The following TGFBRAP1 variants were observed in gnomAD, a reference collection of about 807,000 sequenced individuals.
TGFBRAP1 encodes the protein transforming growth factor beta receptor associated protein 1.
A neutral mutation model predicts 83.2 loss-of-function variants in TGFBRAP1; 20 were observed. That is an observed-to-expected ratio of 0.24 (90% confidence interval 0.17 to 0.35). TGFBRAP1 has a LOEUF of 0.35. TGFBRAP1 is among the 10% of genes least tolerant of loss of function. The probability of loss-of-function intolerance (pLI) is 1.00; values close to 1 mark genes in which losing one functional copy is unlikely to be tolerated. For synonymous variants in TGFBRAP1, 415 were observed against 459.8 expected (o/e 0.90, Z 1.25); for missense variants, 950 against 1,099.4 (o/e 0.86, Z 1.92).
chr2:105,267,803 C>G (rs1464217943), intron 11 of TGFBRAP1: 1 of 985,322 alleles, frequency 1.0e-6, no homozygotes, highest in Non-Finnish European at 1.2e-6. Context: ...TGTTGCTTGT[C>G]TGGCTGAGGC....
the TGFBRAP1 span, among the ~76,000 whole-genome samples, chr2:105,257,503 A>G: frequency 6.6e-6 from 1 of 152,170 alleles, no homozygotes; most frequent in Admixed American, 6.5e-5. Flanking sequence ...TAGAAGTGGA[A>G]TCACACAGTA....
chr2:105,276,491 G>A (rs904839842), intron 7 of TGFBRAP1, among the ~76,000 whole-genome samples: 3 of 152,156 alleles, frequency 2.0e-5, no homozygotes, highest in South Asian at 2.1e-4. Flanking sequence ...GTCAGCATAC[G>A]AACATTTTTT....
the TGFBRAP1 span, among the ~76,000 whole-genome samples, chr2:105,251,622 C>T: frequency 1.3e-5 from 2 of 151,770 alleles, no homozygotes; most frequent in South Asian, 4.2e-4. Context: ...TCTGCCCGGC[C>T]GCCACCCCGT....
At chr2:105,256,700 G>A in the TGFBRAP1 span, among the ~76,000 whole-genome samples, 160 of 152,238 alleles carry the variant, frequency 1.1e-3, no homozygotes, top group African/African-American at 3.6e-3. Context: ...TGTCAGAGGC[G>A]TCTGAACCAG....
Position 105,296,528 on chromosome 2 carries a change from A to G in TGFBRAP1, c.884-18T>C, listed in dbSNP as rs746766818. 3 of 1,600,156 alleles carry G rather than the reference A, an allele frequency of 1.9e-6. No individual in the cohort carries two copies. The highest frequency in any genetic ancestry group is 4.5e-5 in the East Asian group (2 of 44,678). On this transcript the variant is annotated intron_variant, in intron 3 of 11. Coordinates refer to ENST00000393359, the MANE Select transcript of TGFBRAP1 (RefSeq NM_004257.6). ...CACTCTTCCTGTGAAGAAATTCAGC[A>G]TTGTTGGAAAGAGAAAAAACACACT...
intron 1 of TGFBRAP1, among the ~76,000 whole-genome samples, chr2:105,312,567 A>G (rs1678728441): frequency 6.6e-6 from 1 of 152,214 alleles, no homozygotes; most frequent in South Asian, 2.1e-4. Flanking sequence ...CTATTAAGGA[A>G]ATAGGACTAG....
chr2:105,317,800 G>T (rs1467646464), intron 1 of TGFBRAP1, among the ~76,000 whole-genome samples: 1 of 152,150 alleles, frequency 6.6e-6, no homozygotes, highest in Non-Finnish European at 1.5e-5. Flanking sequence ...GAAAGTCAAG[G>T]ATCTAACAGA....
Position 105,269,658 on chromosome 2 carries a change from C to T in TGFBRAP1, c.2020G>A (p.Gly674Arg), listed in dbSNP as rs1296740570. 5 of 1,583,512 alleles carry T rather than the reference C, an allele frequency of 3.2e-6. No individual in the cohort carries two copies. Among genetic ancestry groups the T allele is most frequent in the Admixed American group, 1.7e-5 (1 of 58,984 alleles). ...GLPMESAILH[G>R]KLGEHEKALH... is the part of the protein sequence containing the mutation. ...GCCTTCTCATGCTCGCCCAGCTTCC[C>T]GTGCAGGATGGCGCTCTCCATGGGC... Residue 674 changes from glycine (G) to arginine (R), a missense_variant, in exon 11 of 12, where the codon GGG becomes AGG. Gly to Arg is a moderately radical substitution (Grantham distance 125). Coordinates refer to ENST00000393359, the MANE Select transcript of TGFBRAP1 (RefSeq NM_004257.6). The surrounding 1 kb of genome is among the most constrained non-coding windows in gnomAD (Gnocchi z 4.1).
chr2:105,298,151 T>G (rs1678146271), intron 3 of TGFBRAP1, among the ~76,000 whole-genome samples: 1 of 152,152 alleles, frequency 6.6e-6, no homozygotes, highest in African/African-American at 2.4e-5. Context: ...CACCTTTCTC[T>G]CTACCAGAAG....
In TGFBRAP1 at chr2:105,297,673, A is replaced by C. The variant is rs575501108; in HGVS notation, c.883+838T>G. The stretch of plus-strand genomic sequence containing the variant: ...TTCTTAGGTCAACTGGGGAAATCTG[A>C]ATATTGGCAGGACATGAGATGGTAT... On this transcript the variant is annotated intron_variant, in intron 3 of 11. Transcript: ENST00000393359. Among the ~76,000 whole-genome samples, 32 of 152,338 alleles carry C rather than the reference A, an allele frequency of 2.1e-4. No individual in the cohort carries two copies. The South Asian group carries it at 5.2e-3, about 25-fold the overall frequency.
At chr2:105,315,522 C>A (rs560865871) in intron 1 of TGFBRAP1, among the ~76,000 whole-genome samples, 4 of 152,282 alleles carry the variant, frequency 2.6e-5, no homozygotes, top group South Asian at 4.1e-4. Flanking sequence ...AAACTAATAA[C>A]AAGAAGACAA....
the TGFBRAP1 span, among the ~76,000 whole-genome samples, chr2:105,252,134 A>G: frequency 6.6e-6 from 1 of 151,924 alleles, no homozygotes; most frequent in Non-Finnish European, 1.5e-5. Flanking sequence ...AAGAATGATC[A>G]ATAAAAAAAA....
rs1677088634 is a variant in TGFBRAP1 at position 105,269,835 on chromosome 2, GCCA to G, written c.1973-133_1973-131del. ...TGGCTCCCTCACAATGCCAAATGCT[GCCA>G]CCCAGATGACTGAGGGTAGGTTTTC... is the stretch of plus-strand genomic sequence containing the variant. On this transcript the variant is annotated intron_variant, in intron 10 of 11. Coordinates refer to ENST00000393359, the MANE Select transcript of TGFBRAP1 (RefSeq NM_004257.6). The surrounding 1 kb of genome is among the most constrained non-coding windows in gnomAD (Gnocchi z 4.1). 1.0e-6 allele frequency: 1 copy of G among 1,003,240 alleles called. No homozygotes were observed. Among genetic ancestry groups the G allele is most frequent in the Non-Finnish European group, 1.4e-6 (1 of 717,822 alleles). 62.1% of individuals were successfully genotyped at this position (1,003,240 alleles called of 1,614,324 possible).
At chr2:105,272,752 G>C in intron 10 of TGFBRAP1, 103 bp downstream of exon 10, 1 of 1,436,574 alleles carries the variant, frequency 7.0e-7, no homozygotes, top group Admixed American at 2.1e-5. Context: ...GAATCACCCT[G>C]TGCAATCAAC....
At chr2:105,323,327 G>A (rs577139826) in intron 1 of TGFBRAP1, among the ~76,000 whole-genome samples, 7 of 152,214 alleles carry the variant, frequency 4.6e-5, no homozygotes, top group South Asian at 2.1e-4. Context: ...CAGAAACAGC[G>A]TGGGCAGCTG....
intron 1 of TGFBRAP1, among the ~76,000 whole-genome samples, chr2:105,310,601 C>G (rs977890376): frequency 1.1e-4 from 16 of 151,978 alleles, no homozygotes; most frequent in Non-Finnish European, 1.5e-5. Context: ...GGGAACATCC[C>G]CAGAATCCCA....
rs1033835673 is a variant in TGFBRAP1, at chr2:105,265,770, G to GA, written c.*1612dup. On this transcript the variant is annotated 3_prime_UTR_variant, in exon 12 of 12. Coordinates refer to ENST00000393359, the MANE Select transcript of TGFBRAP1 (RefSeq NM_004257.6). ...CTTTAGTTAATTGAAACATAGTCAG[G>GA]AAAAAATGGTGCCAATTCCCCCCAA... is the stretch of plus-strand genomic sequence containing the variant. 3 of 152,166 alleles carry GA rather than the reference G, an allele frequency of 2.0e-5. No homozygotes were observed. The highest frequency in any genetic ancestry group is 1.5e-5 in the Non-Finnish European group (1 of 68,030). 9.4% of individuals were successfully genotyped at this position (152,166 alleles called of 1,614,324 possible).
intron 1 of TGFBRAP1, among the ~76,000 whole-genome samples, chr2:105,313,751 T>C (rs1168998048): frequency 6.6e-6 from 1 of 152,048 alleles, no homozygotes; most frequent in Non-Finnish European, 1.5e-5. Context: ...GCAGTATTGG[T>C]TTAAGGAAAT....
intron 4 of TGFBRAP1, among the ~76,000 whole-genome samples, chr2:105,291,497 T>C (rs1256464343): frequency 6.6e-6 from 1 of 152,154 alleles, no homozygotes; most frequent in African/African-American, 2.4e-5. Context: ...ACAGCACTAC[T>C]CACCACAGCC....
Sources: allele counts gnomAD v4.1 joint callset (sites outside exome capture counted in the v4.1 genomes callset), GRCh38; gene constraint gnomAD v4.1.1; non-coding constraint Gnocchi (gnomAD v3.1); transcripts MANE v1.5; gene names NCBI Gene and HGNC (gene_info 2026-07-23, HGNC 2026-07-21).